The following GPHN variants were observed in gnomAD, a reference collection of about 807,000 sequenced individuals.
The protein encoded by GPHN is gephyrin.
A neutral mutation model predicts 95.5 loss-of-function variants in GPHN; 17 were observed. The observed-to-expected ratio is 0.18, with a 90% CI of 0.12 to 0.27. The LOEUF is 0.27. Among genes scored for constraint, GPHN ranks in the 10% least tolerant of loss-of-function variants. GPHN has a pLI of 1.00. For missense variants in GPHN, 660 were observed against 978.1 expected (o/e 0.67, Z 4.34); for synonymous variants, 320 against 322.5 (o/e 0.99, Z 0.08).
chr14:67,589,967 T>C, the GPHN span: 1 of 1,384,326 alleles, frequency 7.2e-7, no homozygotes, highest in South Asian at 1.8e-5. Context: ...ACTACATCCA[T>C]AATGGTTCCT....
At chr14:67,119,982 T>C (rs1359144310) in intron 16 of GPHN, among the ~76,000 whole-genome samples, 1 of 151,868 alleles carries the variant, frequency 6.6e-6, no homozygotes, top group Non-Finnish European at 1.5e-5. Context: ...ATGCAAACAT[T>C]AGCCAGGCAT....
chr14:67,472,321 T>C, the GPHN span: 2 of 152,448 alleles, frequency 1.3e-5, no homozygotes, highest in South Asian at 4.1e-4. Context: ...CATAGAAAGC[T>C]AGACTGCTCA....
chr14:67,109,228 T>C (rs2078227780), intron 13 of GPHN, among the ~76,000 whole-genome samples: 1 of 152,224 alleles, frequency 6.6e-6, no homozygotes, highest in Admixed American at 6.5e-5. Context: ...CACGTGACTA[T>C]ACTTATGAGG....
chr14:67,225,926 A>AGTGTGT, the GPHN span, among the ~76,000 whole-genome samples: 14,396 of 136,460 alleles, frequency 0.11, 883 homozygotes, highest in Middle Eastern at 0.19. Context: ...TAATGCTGTG[A>AGTGTGT]GTGTGTGTGT....
the GPHN span, among the ~76,000 whole-genome samples, chr14:67,195,321 C>CTG: frequency 6.6e-6 from 1 of 152,168 alleles, no homozygotes; most frequent in African/African-American, 2.4e-5. Context: ...TCCTCCCTCT[C>CTG]TGTGTCCTGA....
chr14:67,208,468 T>C, the GPHN span: 3 of 1,599,956 alleles, frequency 1.9e-6, no homozygotes, highest in South Asian at 1.1e-5. Context: ...GGCAGGAACA[T>C]GCCAAAGGAA....
chr14:67,396,327 T>C, the GPHN span, among the ~76,000 whole-genome samples: 1 of 151,508 alleles, frequency 6.6e-6, no homozygotes, highest in African/African-American at 2.4e-5. Flanking sequence ...TTTGTATTTT[T>C]AGTAGAGACG....
the GPHN span, among the ~76,000 whole-genome samples, chr14:67,273,792 C>CT: frequency 2.0e-5 from 3 of 151,970 alleles, no homozygotes; most frequent in Non-Finnish European, 2.9e-5. Context: ...CTGTTGTTTC[C>CT]GACTTTTTAA....
At chr14:67,535,490 C>T in the GPHN span, among the ~76,000 whole-genome samples, 3 of 149,884 alleles carry the variant, frequency 2.0e-5, no homozygotes, top group Non-Finnish European at 4.4e-5. Flanking sequence ...AAGCAGTTCA[C>T]CTGCCTTAGC....
Position 66,666,901 on chromosome 14 carries a change from C to G in GPHN, c.65-14206C>G, listed in dbSNP as rs111422633. Among the ~76,000 whole-genome samples, 554 of 152,278 alleles carry G rather than the reference C, an allele frequency of 3.6e-3. 11 individuals carry two copies. The highest frequency in any genetic ancestry group is 0.013 in the African/African-American group (528 of 41,562). On this transcript the variant is annotated intron_variant, in intron 1 of 22. Transcript: ENST00000478722. Reference sequence around the variant, plus strand: ...TCTAGAAAACCCCAGTCGTCTCAGCCCAAAAGCTTCTTAAGCTGATAAGCA... The same window carrying G: ...TCTAGAAAACCCCAGTCGTCTCAGCGCAAAAGCTTCTTAAGCTGATAAGCA...
chr14:67,437,453 A>G, the GPHN span, among the ~76,000 whole-genome samples: 1 of 152,144 alleles, frequency 6.6e-6, no homozygotes, highest in Non-Finnish European at 1.5e-5. Flanking sequence ...CCAAGTTAGG[A>G]GATTTCCATT....
At chr14:67,382,132 A>G in the GPHN span, among the ~76,000 whole-genome samples, 1 of 152,100 alleles carries the variant, frequency 6.6e-6, no homozygotes, top group African/African-American at 2.4e-5. Context: ...CAAATTATCC[A>G]TTATACTGAT....
At chr14:67,388,912 C>G in the GPHN span, among the ~76,000 whole-genome samples, 1 of 152,044 alleles carries the variant, frequency 6.6e-6, no homozygotes, top group Non-Finnish European at 1.5e-5. Context: ...CTCCTGACCT[C>G]AAGTGATCTG....
chr14:67,576,038 C>T, the GPHN span: 4 of 1,520,214 alleles, frequency 2.6e-6, no homozygotes, highest in East Asian at 2.3e-5. The surrounding 1 kb of genome is among the most constrained non-coding windows in gnomAD (Gnocchi z 4.0). Context: ...CAGGGCCAAG[C>T]TTGGACCTGT....
At chr14:66,783,496 G>A (rs550881491) in intron 3 of GPHN, among the ~76,000 whole-genome samples, 6 of 152,308 alleles carry the variant, frequency 3.9e-5, no homozygotes, top group Non-Finnish European at 5.9e-5. Context: ...CAGTATCAGT[G>A]AGACTTAACA....
chr14:67,247,980 G>T, the GPHN span, among the ~76,000 whole-genome samples: 3 of 152,050 alleles, frequency 2.0e-5, no homozygotes, highest in Admixed American at 1.3e-4. Flanking sequence ...GGTTAAGGAG[G>T]TTTTCTTCTG....
At chr14:66,607,644 G>C (rs1038917764) in intron 1 of GPHN, among the ~76,000 whole-genome samples, 1 of 150,962 alleles carries the variant, frequency 6.6e-6, no homozygotes, top group African/African-American at 2.4e-5. Flanking sequence ...CTTTTTTTTT[G>C]TTGGTAGGTT....
the GPHN span, among the ~76,000 whole-genome samples, chr14:67,274,235 C>T: frequency 1.3e-5 from 2 of 152,142 alleles, no homozygotes; most frequent in African/African-American, 4.8e-5. Context: ...AGGTTTTCTT[C>T]TAGGGTTTTT....
intron 5 of GPHN, among the ~76,000 whole-genome samples, chr14:66,882,948 C>T (rs1295498646): frequency 6.6e-6 from 1 of 150,950 alleles, no homozygotes; most frequent in East Asian, 1.9e-4. Context: ...ATTGCTGTTT[C>T]CTTATGTGTA....
Sources: gnomAD v4.1 joint callset for allele counts (sites outside exome capture counted in the v4.1 genomes callset) on GRCh38, gnomAD v4.1.1 for gene constraint, Gnocchi (gnomAD v3.1) non-coding constraint, MANE v1.5 for transcripts, NCBI Gene and HGNC (gene_info 2026-07-23, HGNC 2026-07-21) for gene names.